The following KCNQ2 variants were observed in gnomAD, a reference collection of about 807,000 sequenced individuals.
The protein encoded by KCNQ2 is potassium voltage-gated channel subfamily KQT member 2.
Under a neutral mutation model 84.8 loss-of-function variants are expected in KCNQ2, and 14 were observed. The observed-to-expected ratio is 0.17, with a 90% CI of 0.11 to 0.26. The LOEUF (loss-of-function observed/expected upper bound fraction) is 0.26. Among genes scored for constraint, KCNQ2 ranks in the 10% least tolerant of loss-of-function variants. The probability of loss-of-function intolerance (pLI) is 1.00; values close to 1 mark genes in which losing one functional copy is unlikely to be tolerated. For missense variants in KCNQ2, 788 were observed against 1,254.0 expected (o/e 0.63, Z 5.61); for synonymous variants, 599 against 554.1 (o/e 1.08, Z -1.14).
Position 63,414,262 on chromosome 20 carries a change from G to T in KCNQ2, c.1526-69C>A. 8.6e-7 allele frequency: 1 copy of T among 1,156,558 alleles called. No homozygotes were observed. Among genetic ancestry groups the T allele is most frequent in the Non-Finnish European group, 1.3e-6 (1 of 770,538 alleles). The allele number at this position is 1,156,558 out of a possible 1,614,324, so 71.6% of individuals were successfully genotyped here. ...AGACCTATTCCCGGGGTCCTGCAGG[G>T]CACACCGGCTAGACAGAGCGCCAGG... On this transcript the variant is annotated intron_variant, in intron 13 of 16. Coordinates refer to ENST00000359125, the MANE Select transcript of KCNQ2 (RefSeq NM_172107.4). The surrounding 1 kb of genome is among the most constrained non-coding windows in gnomAD (Gnocchi z 6.6).
chr20:63,413,417 GT>G (rs1311183173), intron 15 of KCNQ2, 32 bp downstream of exon 15: 1 of 1,612,188 alleles, frequency 6.2e-7, no homozygotes, highest in African/African-American at 1.3e-5. Flanking sequence ...CCCCGTTCTT[GT>G]CCCCTGCTGG....
At chr20:63,418,653 C>A (rs1323174488) in intron 12 of KCNQ2, among the ~76,000 whole-genome samples, 2 of 152,190 alleles carry the variant, frequency 1.3e-5, no homozygotes, top group Non-Finnish European at 2.9e-5. Flanking sequence ...GCTCCGGACA[C>A]GCAGGACAGC....
rs578218227 is a variant in KCNQ2, at chr20:63,414,505, C to T, written c.1526-312G>A. Among the ~76,000 whole-genome samples, 68 of 152,112 alleles carry T rather than the reference C, an allele frequency of 4.5e-4. 1 individual carries two copies. Among genetic ancestry groups the T allele is most frequent in the Non-Finnish European group, 3.2e-4 (22 of 68,028 alleles). On this transcript the variant is annotated intron_variant, in intron 13 of 16. Coordinates refer to ENST00000359125, the MANE Select transcript of KCNQ2 (RefSeq NM_172107.4). The surrounding 1 kb of genome is among the most constrained non-coding windows in gnomAD (Gnocchi z 6.6). ...TTAACGGCGGAAGGTGCAGGCCTGA[C>T]ATCTGAGGCTCAGTGAAGGAAGCCA...
chr20:63,415,606 G>T (rs1200016661), intron 12 of KCNQ2, among the ~76,000 whole-genome samples: 1 of 152,114 alleles, frequency 6.6e-6, no homozygotes, highest in Non-Finnish European at 1.5e-5. Context: ...GCTGGCTCAG[G>T]CGTGGCCAGA....
At chr20:63,420,060 G>A (rs369158713) in intron 11 of KCNQ2, among the ~76,000 whole-genome samples, 2 of 152,280 alleles carry the variant, frequency 1.3e-5, no homozygotes, top group African/African-American at 4.8e-5. Context: ...GGGCGTGGGT[G>A]TGAAGCACAC....
chr20:63,412,497 T>A (rs2080150131), intron 15 of KCNQ2, among the ~76,000 whole-genome samples: 1 of 152,196 alleles, frequency 6.6e-6, no homozygotes, highest in South Asian at 2.1e-4. Flanking sequence ...GTGAAGGGGA[T>A]GGCTCAGTGG....
chr20:63,433,512 C>T (rs1204200691), intron 8 of KCNQ2: 4 of 593,654 alleles, frequency 6.7e-6, no homozygotes, highest in Non-Finnish European at 1.2e-5. Context: ...GGGCGGGGGG[C>T]ATTTACCTTG....
intron 11 of KCNQ2, among the ~76,000 whole-genome samples, chr20:63,422,114 A>C (rs953198195): frequency 6.6e-6 from 1 of 152,134 alleles, no homozygotes; most frequent in Non-Finnish European, 1.5e-5. Context: ...TCCAAAGGGC[A>C]GGCGGAGGCA....
chr20:63,470,337 C>T (rs1265304750), intron 1 of KCNQ2, among the ~76,000 whole-genome samples: 1 of 152,204 alleles, frequency 6.6e-6, no homozygotes, highest in Non-Finnish European at 1.5e-5. Flanking sequence ...GAGGGTCTCG[C>T]CTGAAGCCCC....
rs753033741 is a variant in KCNQ2, at chr20:63,407,143, G to C, written c.2120C>G (p.Ala707Gly). 4 of 1,573,642 alleles carry C rather than the reference G, an allele frequency of 2.5e-6. No individual in the cohort carries two copies. The highest frequency in any genetic ancestry group is 3.4e-6 in the Non-Finnish European group (4 of 1,163,448). ...GGAGGGCGGACACTGGACAGGGGGC[G>C]CGGCCGGGGGCGCCGAGAAGTTCTT... ...GQKNFSAPPA[A>G]PPVQCPPSTS... is the part of the protein sequence containing the mutation. The change falls in exon 17 of 17, where the codon GCG becomes GGG. Residue 707 changes from alanine to glycine, a missense_variant. This residue lies in a region of KCNQ2 where 378 missense variants were observed against 434.5 expected (regional missense o/e 0.87). Transcript: ENST00000359125. This position sits in a 1 kb window ranked among gnomAD's most constrained non-coding sequence, Gnocchi z 7.2.
Position 63,406,224 on chromosome 20 carries a change from C to T in KCNQ2, c.*420G>A, listed in dbSNP as rs1458874557. 2 of 186,904 alleles carry T rather than the reference C, an allele frequency of 1.1e-5. No individual in the cohort carries two copies. Among genetic ancestry groups the T allele is most frequent in the Non-Finnish European group, 2.2e-5 (2 of 89,316 alleles). The allele number at this position is 186,904 out of a possible 1,614,324, so 11.6% of individuals were successfully genotyped here. A position where few individuals can be genotyped will look rare whatever the true frequency, so the allele number is the denominator to read the frequency against. On this transcript the variant is annotated 3_prime_UTR_variant, in exon 17 of 17. Transcript: ENST00000359125. ...CGCAGGTCCTCACCAAACAGGCCCG[C>T]CCTTTGCGCAGGTCCTCAGGGAACA... is the stretch of plus-strand genomic sequence containing the variant.
At chr20:63,410,692 A>C (rs563041487) in intron 15 of KCNQ2, among the ~76,000 whole-genome samples, 2 of 152,290 alleles carry the variant, frequency 1.3e-5, no homozygotes, top group African/African-American at 4.8e-5. Flanking sequence ...CGGGGCTGAC[A>C]TGTCCAGTGC....
rs1182444283 is a variant in KCNQ2 at position 63,428,429 on chromosome 20, G to A, written c.1155C>T (p.Ile385=). ...QTQTYGASRL[I]PPLNQLELLR... ...GCAGCTCCAGCTGGTTCAGCGGGGG[G>A]ATAAGTCTGGGGCAAGAGAAGGAGA... The change falls in exon 10 of 17, where the codon ATC becomes ATT. Residue 385 remains isoleucine, a synonymous_variant. Coordinates refer to ENST00000359125, the MANE Select transcript of KCNQ2 (RefSeq NM_172107.4). 1.9e-6 allele frequency: 3 copies of A among 1,588,974 alleles called. No individual in the cohort carries two copies. The highest frequency in any genetic ancestry group is 1.2e-5 in the South Asian group (1 of 86,716).
chr20:63,432,200 G>T (rs1229263474), intron 8 of KCNQ2, among the ~76,000 whole-genome samples: 1 of 146,822 alleles, frequency 6.8e-6, no homozygotes, highest in Non-Finnish European at 1.5e-5. Context: ...CCACCCTCTG[G>T]GAAGGATCCA....
chr20:63,447,198 CA>C, intron 1 of KCNQ2, among the ~76,000 whole-genome samples: 1 of 152,094 alleles, frequency 6.6e-6, no homozygotes, highest in East Asian at 1.9e-4. Context: ...CAAATGGGAA[CA>C]GCAAGGCCTG....
In KCNQ2 at chr20:63,446,301, A is replaced by C; in HGVS notation, c.387+446T>G. On this transcript the variant is annotated intron_variant, in intron 2 of 16. Coordinates refer to ENST00000359125, the MANE Select transcript of KCNQ2 (RefSeq NM_172107.4). The surrounding 1 kb of genome is among the most constrained non-coding windows in gnomAD (Gnocchi z 5.5). ...CTTGAGGGCCCCCCACCCCGTTACC[A>C]ACAGCAACACAGGAACTGCACTCCC... 3.9e-6 allele frequency: 1 copy of C among 255,574 alleles called. No individual in the cohort carries two copies. Among genetic ancestry groups the C allele is most frequent in the Non-Finnish European group, 7.7e-6 (1 of 130,304 alleles). 15.8% of individuals were successfully genotyped at this position (255,574 alleles called of 1,614,324 possible).
intron 12 of KCNQ2, among the ~76,000 whole-genome samples, chr20:63,416,328 G>T (rs2080295055): frequency 6.6e-6 from 1 of 152,200 alleles, no homozygotes. Flanking sequence ...GTGGAGATGG[G>T]TTTGCACCCG....
At chr20:63,433,931 C>T (rs1171605954) in intron 7 of KCNQ2, 28 bp from the exon 8 acceptor site, 2 of 1,607,566 alleles carry the variant, frequency 1.2e-6, no homozygotes, top group African/African-American at 1.3e-5. Flanking sequence ...AGGCAGTTGG[C>T]GAGGGGCAGG....
At position 63,425,237 on chromosome 20, in the gene KCNQ2, A is replaced by G. The variant is rs1343791978; in HGVS notation, c.1218-1031T>C. On this transcript the variant is annotated intron_variant, in intron 10 of 16. Coordinates refer to ENST00000359125, the MANE Select transcript of KCNQ2 (RefSeq NM_172107.4). The surrounding 1 kb of genome is among the most constrained non-coding windows in gnomAD (Gnocchi z 5.5). ...CCCAAGCTCAGTTACAGCTGCAAGGACCCTTTCTCCAAATCAGGTCACATT... is the reference window on the plus strand; with the variant it reads ...CCCAAGCTCAGTTACAGCTGCAAGGGCCCTTTCTCCAAATCAGGTCACATT... Among the ~76,000 whole-genome samples the G allele has an allele frequency of 6.6e-6, 1 of 152,006 alleles. No homozygotes were observed. Among genetic ancestry groups the G allele is most frequent in the African/African-American group, 2.4e-5 (1 of 41,380 alleles).
Sources: gnomAD v4.1 joint callset for allele counts (sites outside exome capture counted in the v4.1 genomes callset) on GRCh38, gnomAD v4.1.1 for gene constraint, gnomAD v4.1.1 regional missense constraint, Gnocchi (gnomAD v3.1) non-coding constraint, MANE v1.5 for transcripts, NCBI Gene and HGNC (gene_info 2026-07-23, HGNC 2026-07-21) for gene names.